Variants in KCP observed in about 807,000 individuals in gnomAD.
KCP encodes the protein kielin cysteine rich BMP regulator.
Under a neutral mutation model 212.7 loss-of-function variants are expected in KCP, and 194 were observed. The observed-to-expected ratio is 0.91, with a 90% CI of 0.81 to 1.03. The LOEUF is 1.03. Ranked by LOEUF, KCP falls within the 50% of genes least tolerant of loss-of-function variation. The pLI, the probability that KCP is intolerant of heterozygous loss-of-function variation, is 0.00. For missense variants in KCP, 2,080 were observed against 2,162.5 expected (o/e 0.96, Z 0.76); for synonymous variants, 833 against 865.3 (o/e 0.96, Z 0.65).
In KCP at chr7:128,893,790, C is replaced by T. The variant is rs2128948156; in HGVS notation, c.1099+16G>A. ...CAAGGCCTGCCCCTCCCGCAGAGAC[C>T]CCGGCCCCCACTCACCATCGCAGAC... is the stretch of plus-strand genomic sequence containing the variant. On this transcript the variant is annotated intron_variant, in intron 11 of 39. Transcript: ENST00000610776. The T allele has an allele frequency of 2.6e-6, 4 of 1,548,604 alleles. No homozygotes were observed. Among genetic ancestry groups the T allele is most frequent in the Non-Finnish European group, 3.5e-6 (4 of 1,146,302 alleles).
Position 128,907,263 on chromosome 7 carries a change from C to A in KCP, c.409+1G>T. The A allele has an allele frequency of 6.5e-7, 1 of 1,533,440 alleles. No individual in the cohort carries two copies. Among genetic ancestry groups the A allele is most frequent in the Non-Finnish European group, 8.8e-7 (1 of 1,132,700 alleles). 95.0% of individuals were successfully genotyped at this position (1,533,440 alleles called of 1,614,324 possible). A position where few individuals can be genotyped will look rare whatever the true frequency, so the allele number is the denominator to read the frequency against. The stretch of plus-strand genomic sequence containing the variant: ...CAGTGGGCGGATAGGGTGGCACTTA[C>A]CCCTGCAATGGGGCAGGTGTGCTTG... On this transcript the variant is annotated splice_donor_variant, in intron 3 of 39. Transcript: ENST00000610776. LOFTEE classifies it high-confidence loss of function.
Position 128,894,241 on chromosome 7 carries a change from G to A in KCP, c.884C>T (p.Pro295Leu), listed in dbSNP as rs1255630996. The A allele has an allele frequency of 6.5e-7, 1 of 1,542,980 alleles. No individual in the cohort carries two copies. The highest frequency in any genetic ancestry group is 2.0e-5 in the Admixed American group (1 of 50,640). Reference sequence around the variant, plus strand: ...GCAGGTGCCTGGGAGGGGCCGGGCTGGGTATGGACACAGGCTGGCACATTC... The same window carrying A: ...GCAGGTGCCTGGGAGGGGCCGGGCTAGGTATGGACACAGGCTGGCACATTC... ...QRECASLCPY[P>L]ARPLPGTCCP... Residue 295 changes from proline (P) to leucine (L), a missense_variant, in exon 9 of 40, where the codon CCA becomes CTA. By Grantham distance (98) the Pro-to-Leu change is moderately conservative. Coordinates refer to ENST00000610776, the MANE Select transcript of KCP (RefSeq NM_001366122.1).
intron 5 of KCP, among the ~76,000 whole-genome samples, chr7:128,905,945 C>T (rs970791938): frequency 2.0e-5 from 3 of 152,130 alleles, no homozygotes; most frequent in Non-Finnish European, 4.4e-5. Flanking sequence ...TGGCAAAATA[C>T]ACACTGCACT....
intron 8 of KCP, 85 bp from the exon 9 acceptor site, chr7:128,894,378 A>G: frequency 9.2e-7 from 1 of 1,088,384 alleles, no homozygotes; most frequent in Non-Finnish European, 1.3e-6. Context: ...CTATCCACTT[A>G]TTAGATGTGT....
intron 2 of KCP, among the ~76,000 whole-genome samples, 182 bp downstream of exon 2, chr7:128,908,244 A>AAGGAAAG (rs1795237366): frequency 4.3e-5 from 4 of 92,656 alleles, no homozygotes; most frequent in African/African-American, 1.4e-4. Flanking sequence ...AGAAAGGAAG[A>AAGGAAAG]AAGAAAGAAG....
At chr7:128,880,181 AG>A in intron 34 of KCP, 96 bp from the exon 35 acceptor site, 1 of 1,348,924 alleles carries the variant, frequency 7.4e-7, no homozygotes, top group Non-Finnish European at 9.9e-7. Flanking sequence ...AGGAGTCTCC[AG>A]GGATCTCCAG....
Position 128,886,687 on chromosome 7 carries a change from G to C in KCP, c.2740C>G (p.Pro914Ala). The C allele has an allele frequency of 6.4e-7, 1 of 1,551,650 alleles. No individual in the cohort carries two copies. The highest frequency in any genetic ancestry group is 8.7e-7 in the Non-Finnish European group (1 of 1,146,956). The change falls in exon 25 of 40, where the codon CCA (proline) becomes GCA (alanine). Residue 914 changes from proline to alanine, a missense_variant. Physicochemically the swap from Pro to Ala is conservative, Grantham distance 27. Coordinates refer to ENST00000610776, the MANE Select transcript of KCP (RefSeq NM_001366122.1). Reference sequence around the variant, plus strand: ...CGACACCACTCACAGCTGCCTGCTGGTCCCTCAAACTCCTCCCCATCCTGG... The same window carrying C: ...CGACACCACTCACAGCTGCCTGCTGCTCCCTCAAACTCCTCCCCATCCTGG... Reference protein sequence around the residue: ...EHQDGEEFEGPAGSCEWCRCQ... With the variant: ...EHQDGEEFEGAAGSCEWCRCQ...
chr7:128,893,093 G>A, intron 13 of KCP, 72 bp from the exon 14 acceptor site: 2 of 964,144 alleles, frequency 2.1e-6, no homozygotes, highest in Non-Finnish European at 1.6e-6. Flanking sequence ...AGGACACAGG[G>A]ACCCCACCTT....
intron 8 of KCP, among the ~76,000 whole-genome samples, chr7:128,897,469 T>C (rs1031893011): frequency 1.3e-5 from 2 of 152,170 alleles, no homozygotes; most frequent in African/African-American, 4.8e-5. Context: ...TTATATGTGT[T>C]GTGTGTGTGA....
Position 128,889,920 on chromosome 7 carries a change from CTTTTTTTTTT to C in KCP, c.2335+413_2335+422del, listed in dbSNP as rs35633844. The C allele has an allele frequency of 2.0e-4, 20 of 99,596 alleles. No individual in the cohort carries two copies. In the South Asian group the frequency reaches 2.4e-3, roughly 12 times the overall value. 6.2% of individuals were successfully genotyped at this position (99,596 alleles called of 1,614,324 possible). ...AGAAGATCCAGGCTTTAGTGTCAGGCTTTTTTTTTTTTTTTTTTTTTTTTTTGAGACAAGG... is the reference window on the plus strand; with the variant it reads ...AGAAGATCCAGGCTTTAGTGTCAGGCTTTTTTTTTTTTTTTTGAGACAAGG... On this transcript the variant is annotated intron_variant, in intron 21 of 39. Coordinates refer to ENST00000610776, the MANE Select transcript of KCP (RefSeq NM_001366122.1).
chr7:128,881,408 T>C (rs1394672505), intron 31 of KCP, among the ~76,000 whole-genome samples: 1 of 152,226 alleles, frequency 6.6e-6, no homozygotes, highest in Non-Finnish European at 1.5e-5. Flanking sequence ...GGCCAGACCT[T>C]GAGAATCTAG....
intron 29 of KCP, among the ~76,000 whole-genome samples, chr7:128,883,708 G>GCTGGGCTACCCCCTGCCTGC (rs1374007726): frequency 2.0e-5 from 3 of 152,152 alleles, no homozygotes; most frequent in African/African-American, 7.2e-5. Flanking sequence ...CACCCCTGTG[G>GCTGGGCTACCCCCTGCCTGC]CTGGGCTACC....
chr7:128,886,802 G>A (rs555615649), intron 24 of KCP, 65 bp from the exon 25 acceptor site: 1 of 1,492,574 alleles, frequency 6.7e-7, no homozygotes, highest in African/African-American at 1.4e-5. Context: ...CCCAGCCTTA[G>A]GCCTGGCAGG....
chr7:128,883,551 G>A (rs748608023), intron 29 of KCP, among the ~76,000 whole-genome samples: 20 of 152,208 alleles, frequency 1.3e-4, no homozygotes, highest in Admixed American at 4.6e-4. Flanking sequence ...AATGTAAAAT[G>A]GCTGTGTTAG....
At position 128,877,706 on chromosome 7, in the gene KCP, G is replaced by C; in HGVS notation, c.4396C>G (p.Arg1466Gly). ...ACCCCACACCGGGCATTGGCCTCAC[G>C]CCTGGCACGGTAACCTGCTGCCCGG... is the stretch of plus-strand genomic sequence containing the variant. ...PCRAAGYRARREANARCGVLK... is the reference protein window; with the variant it reads ...PCRAAGYRARGEANARCGVLK... The change falls in exon 39 of 40, where the codon CGT becomes GGT. Residue 1466 changes from arginine to glycine, a missense_variant. Arg to Gly is a moderately radical substitution (Grantham distance 125, BLOSUM62 -2). Coordinates refer to ENST00000610776, the MANE Select transcript of KCP (RefSeq NM_001366122.1). 6.4e-7 allele frequency: 1 copy of C among 1,551,226 alleles called. No individual in the cohort carries two copies. Among genetic ancestry groups the C allele is most frequent in the Non-Finnish European group, 8.7e-7 (1 of 1,146,968 alleles).
intron 5 of KCP, among the ~76,000 whole-genome samples, chr7:128,906,046 T>C (rs1795102215): frequency 6.6e-6 from 1 of 152,176 alleles, no homozygotes; most frequent in African/African-American, 2.4e-5. Flanking sequence ...GATTGGAGGC[T>C]CCCTGAGGGC....
rs767968618 is a variant in KCP, at chr7:128,879,660, G to A, written c.4045-37C>T. 20 of 1,548,476 alleles carry A rather than the reference G, an allele frequency of 1.3e-5. No homozygotes were observed. In the South Asian group the frequency reaches 1.8e-4, roughly 14 times the overall value. On this transcript the variant is annotated intron_variant, in intron 36 of 39. Coordinates refer to ENST00000610776, the MANE Select transcript of KCP (RefSeq NM_001366122.1). ...AGGAGGTGGGAGGAGGGGTGATGTC[G>A]AGGCACATGGGTGGACAGCACAGGA...
intron 9 of KCP, 53 bp from the exon 10 acceptor site, chr7:128,894,108 C>T (rs1030671259): frequency 2.6e-6 from 4 of 1,528,636 alleles, no homozygotes; most frequent in Admixed American, 2.0e-5. Flanking sequence ...CCCACCCTCT[C>T]CTGGCCTTCA....
At chr7:128,888,337 CACACACACACAT>C (rs1335005047) in intron 22 of KCP, among the ~76,000 whole-genome samples, 11 of 138,104 alleles carry the variant, frequency 8.0e-5, no homozygotes, top group East Asian at 5.2e-4. Flanking sequence ...AACACACACA[CACACACACACAT>C]ACACAGATAC....
Sources: gnomAD v4.1 joint callset for allele counts (sites outside exome capture counted in the v4.1 genomes callset) on GRCh38, gnomAD v4.1.1 for gene constraint, MANE v1.5 for transcripts, NCBI Gene and HGNC (gene_info 2026-07-23, HGNC 2026-07-21) for gene names.